The following DEPDC5 variants were observed in gnomAD, a reference collection of about 807,000 sequenced individuals.
The protein encoded by DEPDC5 is DEP domain containing 5, GATOR1 subcomplex subunit.
DEPDC5 carries 73 observed loss-of-function variants against 217.3 expected under a neutral mutation model. The ratio of observed to expected loss-of-function variants is 0.34; its 90% CI spans 0.28 to 0.41. DEPDC5 has a LOEUF of 0.41. DEPDC5 is among the 10% of genes least tolerant of loss of function. The pLI, the probability that DEPDC5 is intolerant of heterozygous loss-of-function variation, is 1.00. For missense variants in DEPDC5, 1,675 were observed against 2,070.1 expected, an observed-to-expected ratio of 0.81 and a Z score of 3.70; for synonymous variants, 733 against 756.7, an observed-to-expected ratio of 0.97 and a Z score of 0.51.
chr22:31,809,185 G>C (rs1390148922), intron 18 of DEPDC5, among the ~76,000 whole-genome samples: 1 of 152,098 alleles, frequency 6.6e-6, no homozygotes, highest in Non-Finnish European at 1.5e-5. Context: ...GATATACAGA[G>C]TGCTCAGCTC....
Position 31,861,426 on chromosome 22 carries a change from A to G in DEPDC5, c.3323A>G (p.Tyr1108Cys), listed in dbSNP as rs1007806024. 8.4e-6 allele frequency: 13 copies of G among 1,550,936 alleles called. No individual in the cohort carries two copies. Among genetic ancestry groups the G allele is most frequent in the South Asian group, 4.8e-5 (4 of 84,038 alleles). Residue 1108 changes from tyrosine to cysteine, a missense_variant, in exon 33 of 43, where the codon TAC becomes TGC. Tyr to Cys is a radical substitution (Grantham distance 194). This residue lies in a region of DEPDC5 where 126 missense variants were observed against 113.8 expected (regional missense o/e 1.11). Coordinates refer to ENST00000651528, the MANE Select transcript of DEPDC5 (RefSeq NM_001242896.3). ...RSPRTASSAF[Y>C]PQVSVDQTAT... is the part of the protein sequence containing the mutation. ...CCACGCACAGCATCGTCCGCCTTCTACCCTCAGGTTAGTCCAACTCCAGGG... is the reference window on the plus strand; with the variant it reads ...CCACGCACAGCATCGTCCGCCTTCTGCCCTCAGGTTAGTCCAACTCCAGGG...
rs1194890347 is a variant in DEPDC5, at chr22:31,765,170, T to C, written c.279+110T>C. The C allele has an allele frequency of 7.3e-6, 6 of 825,430 alleles. No homozygotes were observed. In the East Asian group the frequency reaches 1.3e-4, roughly 17 times the overall value. 51.1% of individuals were successfully genotyped at this position (825,430 alleles called of 1,614,324 possible). On this transcript the variant is annotated intron_variant, in intron 5 of 42. Transcript: ENST00000651528. The stretch of plus-strand genomic sequence containing the variant: ...TTAAGTGTAGTGTTAGCCTATTAAA[T>C]GTGTGGCCTGCTAGGTGTGGTAATT...
chr22:31,812,614 C>T (rs1166718817), intron 20 of DEPDC5, among the ~76,000 whole-genome samples: 1 of 145,582 alleles, frequency 6.9e-6, no homozygotes, highest in Non-Finnish European at 1.5e-5. Context: ...TTAGTAGAGA[C>T]GGGGTTTCAC....
intron 31 of DEPDC5, among the ~76,000 whole-genome samples, chr22:31,848,724 A>T (rs912325941): frequency 2.6e-5 from 4 of 152,160 alleles, no homozygotes; most frequent in Non-Finnish European, 5.9e-5. Flanking sequence ...GCTCCTCCTT[A>T]CTTATGCAAA....
At chr22:31,886,785 G>T (rs1289843503) in intron 38 of DEPDC5, among the ~76,000 whole-genome samples, 3 of 140,718 alleles carry the variant, frequency 2.1e-5, no homozygotes, top group Admixed American at 1.4e-4. Flanking sequence ...AAGAGAGAGA[G>T]AGAGGCCAGG....
chr22:31,891,116 AGACT>A (rs1217729285), intron 38 of DEPDC5: 1 of 434,884 alleles, frequency 2.3e-6, no homozygotes, highest in African/African-American at 2.1e-5. Flanking sequence ...TCAATCTTAA[AGACT>A]GACAGGCTGA....
intron 10 of DEPDC5, among the ~76,000 whole-genome samples, chr22:31,785,857 C>A (rs2084930275): frequency 6.6e-6 from 1 of 152,126 alleles, no homozygotes; most frequent in African/African-American, 2.4e-5. Context: ...AAAGAATATT[C>A]TCTTCAACAA....
chr22:31,758,060 G>A (rs1017647748), intron 2 of DEPDC5, among the ~76,000 whole-genome samples: 1 of 152,006 alleles, frequency 6.6e-6, no homozygotes, highest in African/African-American at 2.4e-5. Context: ...CACTGCTCCT[G>A]GACTCTCTGA....
At chr22:31,798,693 C>CT in intron 14 of DEPDC5, 37 bp downstream of exon 14, 1 of 1,593,924 alleles carries the variant, frequency 6.3e-7, no homozygotes, top group Non-Finnish European at 8.6e-7. Flanking sequence ...AGCATCTTGC[C>CT]TACCACATGG....
intron 31 of DEPDC5, among the ~76,000 whole-genome samples, chr22:31,855,543 AT>A (rs1240832234): frequency 3.6e-4 from 55 of 151,034 alleles, no homozygotes; most frequent in Non-Finnish European, 6.1e-4. Context: ...CGCCCGGCTA[AT>A]TTTTTTTGTA....
At chr22:31,863,356 G>A (rs2149170558) in intron 33 of DEPDC5, among the ~76,000 whole-genome samples, 1 of 152,136 alleles carries the variant, frequency 6.6e-6, no homozygotes, top group East Asian at 1.9e-4. Context: ...TAGTAGAGAA[G>A]GGGTTTCGCC....
At position 31,762,405 on chromosome 22, in the gene DEPDC5, A is replaced by T. The variant is rs145403710; in HGVS notation, c.193+1703A>T. On this transcript the variant is annotated intron_variant, in intron 4 of 42. Transcript: ENST00000651528. ...GTTCAAGGAACCAAAATGTTAATTG[A>T]AAGTAAATAAGATACTCTTTTAAAT... Among the ~76,000 whole-genome samples, 199 of 152,344 alleles carry T rather than the reference A, an allele frequency of 1.3e-3. 1 individual carries two copies. Among genetic ancestry groups the T allele is most frequent in the African/African-American group, 4.6e-3 (192 of 41,598 alleles).
intron 32 of DEPDC5, chr22:31,857,838 C>T: frequency 3.7e-6 from 1 of 272,732 alleles, no homozygotes; most frequent in Non-Finnish European, 6.9e-6. Context: ...TCACTTGAGC[C>T]CAGGAGTTTG....
chr22:31,801,798 T>C (rs780668580), intron 14 of DEPDC5, among the ~76,000 whole-genome samples: 3 of 152,128 alleles, frequency 2.0e-5, no homozygotes, highest in African/African-American at 7.2e-5. Flanking sequence ...ACTATGTATA[T>C]CATCTTCCCA....
intron 24 of DEPDC5, among the ~76,000 whole-genome samples, chr22:31,830,313 GC>G (rs1223193214): frequency 2.0e-5 from 3 of 152,250 alleles, no homozygotes; most frequent in Admixed American, 6.5e-5. Flanking sequence ...ACCAGCATTG[GC>G]TTCCGAAGTC....
intron 4 of DEPDC5, among the ~76,000 whole-genome samples, chr22:31,762,514 A>G (rs1275796862): frequency 6.6e-6 from 1 of 152,190 alleles, no homozygotes; most frequent in East Asian, 1.9e-4. Context: ...CTGTAATCCC[A>G]ACACTTTGGG....
intron 21 of DEPDC5, chr22:31,815,727 T>A: frequency 1.2e-6 from 1 of 868,128 alleles, no homozygotes; most frequent in Non-Finnish European, 1.6e-6. Context: ...AGAGGTGGGG[T>A]TTTACCATTC....
intron 35 of DEPDC5, among the ~76,000 whole-genome samples, chr22:31,873,553 C>A (rs921091030): frequency 6.6e-6 from 1 of 151,874 alleles, no homozygotes; most frequent in Non-Finnish European, 1.5e-5. Flanking sequence ...ACTCTGTCAC[C>A]CAGGCTAGAG....
intron 28 of DEPDC5, among the ~76,000 whole-genome samples, 162 bp downstream of exon 28, chr22:31,843,374 T>C (rs1326662281): frequency 6.6e-6 from 1 of 152,218 alleles, no homozygotes; most frequent in Non-Finnish European, 1.5e-5. Context: ...GGTTATAGCT[T>C]ACCTACTTCC....
Sources: gnomAD v4.1 joint callset for allele counts (sites outside exome capture counted in the v4.1 genomes callset) on GRCh38, gnomAD v4.1.1 for gene constraint, gnomAD v4.1.1 regional missense constraint, MANE v1.5 for transcripts, NCBI Gene and HGNC (gene_info 2026-07-23, HGNC 2026-07-21) for gene names.